Variants in ZNF761 observed in about 807,000 individuals in gnomAD.
ZNF761 encodes the protein zinc finger protein 761.
Under a neutral mutation model 59.9 loss-of-function variants are expected in ZNF761, and 43 were observed. The ratio of observed to expected loss-of-function variants is 0.72; its 90% CI spans 0.56 to 0.92. ZNF761 has a LOEUF of 0.92. ZNF761 is among the 40% of genes least tolerant of loss of function. The pLI is 0.00. For synonymous variants in ZNF761, 294 were observed against 304.8 expected (o/e 0.96, Z 0.37); for missense variants, 850 against 906.1 (o/e 0.94, Z 0.79).
chr19:53,456,753 TGTG>T lies in ZNF761; in HGVS notation c.*9_*11del, dbSNP rs1336931877. On this transcript the variant is annotated 3_prime_UTR_variant, in exon 5 of 5. Coordinates refer to ENST00000684525, the MANE Select transcript of ZNF761 (RefSeq NM_001289951.2). ...ACTGGAGAAAAACAAGTGTAATGAA[TGTG>T]GTGAGGTTTTTAATCAACAAGCACA... 1.9e-6 allele frequency: 3 copies of T among 1,612,814 alleles called. No homozygotes were observed. The African/African-American group carries it at 4.0e-5, about 22-fold the overall frequency.
At chr19:53,445,103 C>T (rs1003028394) in intron 1 of ZNF761, 2 of 151,760 alleles carry the variant, frequency 1.3e-5, no homozygotes, top group African/African-American at 4.9e-5. Flanking sequence ...GCCTCAGCCT[C>T]TCGAGTAGCT....
At position 53,456,712 on chromosome 19, in the gene ZNF761, C is replaced by T. The variant is rs2086276159; in HGVS notation, c.2205C>T (p.Cys735=). ...TTAGTCAGAAGTCAAACCTTACATG[C>T]CATCGTAGACTTCATACTGGAGAAA... ...KTFSQKSNLT[C]HRRLHTGEKQ... is the part of the protein sequence containing the mutation. Residue 735 remains cysteine (C), a synonymous_variant, in exon 5 of 5, where the codon TGC becomes TGT. Transcript: ENST00000684525. 1 of 1,613,778 alleles carries T rather than the reference C, an allele frequency of 6.2e-7. No individual in the cohort carries two copies. The highest frequency in any genetic ancestry group is 8.5e-7 in the Non-Finnish European group (1 of 1,179,856).
intron 1 of ZNF761, among the ~76,000 whole-genome samples, chr19:53,433,601 T>A (rs900127621): frequency 1.3e-5 from 2 of 152,202 alleles, no homozygotes; most frequent in African/African-American, 4.8e-5. Flanking sequence ...AGATGCCTTT[T>A]ATGAACAAGA....
rs1389036523 is a variant in ZNF761, at chr19:53,457,838, C to T, written c.*1090C>T. 6.5e-6 allele frequency: 1 copy of T among 153,528 alleles called. No homozygotes were observed. The highest frequency in any genetic ancestry group is 1.5e-5 in the Non-Finnish European group (1 of 68,312). The allele number at this position is 153,528 out of a possible 1,614,324, so 9.5% of individuals were successfully genotyped here. A position where few individuals can be genotyped will look rare whatever the true frequency, so the allele number is the denominator to read the frequency against. ...CATTTTCCCAGCCTGTTTTTTGTTT[C>T]TTTAAAAAAACTGATAGGGATTTTT... On this transcript the variant is annotated 3_prime_UTR_variant, in exon 5 of 5. Coordinates refer to ENST00000684525, the MANE Select transcript of ZNF761 (RefSeq NM_001289951.2).
At chr19:53,439,410 A>G (rs2086076171) in intron 1 of ZNF761, among the ~76,000 whole-genome samples, 3 of 152,024 alleles carry the variant, frequency 2.0e-5, no homozygotes, top group Middle Eastern at 3.4e-3. Flanking sequence ...GGTTCACGCC[A>G]TTCTCCTGCC....
At chr19:53,434,455 G>T (rs2086014546) in intron 1 of ZNF761, among the ~76,000 whole-genome samples, 1 of 152,156 alleles carries the variant, frequency 6.6e-6, no homozygotes. Context: ...GAGACCAGAG[G>T]GTGCTTGCCA....
In ZNF761 at chr19:53,454,920, A is replaced by T; in HGVS notation, c.413A>T (p.Asp138Val). The T allele has an allele frequency of 6.2e-7, 1 of 1,614,194 alleles. No individual in the cohort carries two copies. The highest frequency in any genetic ancestry group is 8.5e-7 in the Non-Finnish European group (1 of 1,180,036). ...QSHARNKPIK[D>V]QLGSSFHSHL... The stretch of plus-strand genomic sequence containing the variant: ...CATGCTAGAAACAAGCCTATTAAAG[A>T]TCAGCTTGGATCAAGCTTTCATTCG... The change falls in exon 5 of 5, where the codon GAT (aspartate) becomes GTT (valine). Residue 138 changes from aspartate (D) to valine (V), a missense_variant. Asp to Val is a radical substitution (Grantham distance 152). Transcript: ENST00000684525.
chr19:53,453,758 C>T (rs557699279), intron 4 of ZNF761, among the ~76,000 whole-genome samples: 95 of 152,180 alleles, frequency 6.2e-4, no homozygotes, highest in Admixed American at 1.2e-3. Flanking sequence ...TGCCTGTAAT[C>T]CCAGGTACTC....
rs141685694 is a variant in ZNF761, at chr19:53,456,461, C to T, written c.1954C>T (p.His652Tyr). ...CCGTGTGAAATCAAACCTTGAAGGA[C>T]ATAGGAGAATTCATACTGGAGAGAA... ...AFRVKSNLEG[H>Y]RRIHTGEKPY... The change falls in exon 5 of 5, where the codon CAT becomes TAT. Residue 652 changes from histidine to tyrosine, a missense_variant. His to Tyr is a moderately conservative substitution (Grantham distance 83). Coordinates refer to ENST00000684525, the MANE Select transcript of ZNF761 (RefSeq NM_001289951.2). The T allele has an allele frequency of 1.0e-3, 1,648 of 1,613,670 alleles. 2 individuals are homozygous for T. Among genetic ancestry groups the T allele is most frequent in the Non-Finnish European group, 1.2e-3 (1,453 of 1,179,888 alleles).
intron 1 of ZNF761, among the ~76,000 whole-genome samples, chr19:53,440,089 A>G (rs2086082817): frequency 6.6e-6 from 1 of 152,230 alleles, no homozygotes; most frequent in Non-Finnish European, 1.5e-5. Context: ...GACTGGGGCA[A>G]GGGCATTGCT....
At chr19:53,432,404 C>G (rs1421224597) in intron 1 of ZNF761, among the ~76,000 whole-genome samples, 1 of 152,186 alleles carries the variant, frequency 6.6e-6, no homozygotes, top group Non-Finnish European at 1.5e-5. Context: ...GCCGCGTCCT[C>G]TGCCTGGTCC....
At position 53,455,583 on chromosome 19, in the gene ZNF761, G is replaced by A. The variant is rs752484738; in HGVS notation, c.1076G>A (p.Cys359Tyr). 6.2e-7 allele frequency: 1 copy of A among 1,614,160 alleles called. No individual in the cohort carries two copies. Among genetic ancestry groups the A allele is most frequent in the Non-Finnish European group, 8.5e-7 (1 of 1,180,028 alleles). ...TGEKPYKCNE[C>Y]GKTFSHKSSL... is the part of the protein sequence containing the mutation. ...GAGAAACCTTACAAGTGTAATGAGT[G>A]TGGCAAGACCTTTAGTCACAAGTCA... The change falls in exon 5 of 5, where the codon TGT (cysteine) becomes TAT (tyrosine). Residue 359 changes from cysteine (C) to tyrosine (Y), a missense_variant. By Grantham distance (194) the Cys-to-Tyr change is radical. Transcript: ENST00000684525.
At chr19:53,444,983 C>CT (rs557589684) in intron 1 of ZNF761, 10,483 of 136,962 alleles carry the variant, frequency 0.077, 456 homozygotes, top group Middle Eastern at 0.14. Flanking sequence ...TCTTTTTTTT[C>CT]TTTTTTTTTT....
In ZNF761 at chr19:53,455,085, G is replaced by C. The variant is rs1466583728; in HGVS notation, c.578G>C (p.Gly193Ala). 1.9e-6 allele frequency: 3 copies of C among 1,614,016 alleles called. No individual in the cohort carries two copies. The highest frequency in any genetic ancestry group is 2.5e-6 in the Non-Finnish European group (3 of 1,180,000). ...AAAACCCATATATCTAATAACCATG[G>C]GAATAATTTCTGGAATTCTTCATTA... is the stretch of plus-strand genomic sequence containing the variant. ...RPKTHISNNH[G>A]NNFWNSSLLT... The change falls in exon 5 of 5, where the codon GGG becomes GCG. Residue 193 changes from glycine (G) to alanine (A), a missense_variant. Transcript: ENST00000684525.
In ZNF761 at chr19:53,456,830, T is replaced by C. The variant is rs997569698; in HGVS notation, c.*82T>C. On this transcript the variant is annotated 3_prime_UTR_variant, in exon 5 of 5. Coordinates refer to ENST00000684525, the MANE Select transcript of ZNF761 (RefSeq NM_001289951.2). The stretch of plus-strand genomic sequence containing the variant: ...ATACTGGGGAGAAACCTTAGAAATG[T>C]GAAGCATGTGATAAAGTTTACAGTG... 5 of 1,458,374 alleles carry C rather than the reference T, an allele frequency of 3.4e-6. No homozygotes were observed. Among genetic ancestry groups the C allele is most frequent in the Non-Finnish European group, 4.7e-6 (5 of 1,053,668 alleles). 90.3% of individuals were successfully genotyped at this position (1,458,374 alleles called of 1,614,324 possible).
intron 4 of ZNF761, chr19:53,450,417 T>C (rs2086211075): frequency 6.6e-6 from 1 of 152,236 alleles, no homozygotes; most frequent in South Asian, 2.1e-4. Flanking sequence ...AGCCAGTCTT[T>C]GGTTTCTGAA....
At position 53,456,851 on chromosome 19, in the gene ZNF761, C is replaced by T; in HGVS notation, c.*103C>T. 7.5e-7 allele frequency: 1 copy of T among 1,324,870 alleles called. No individual in the cohort carries two copies. The highest frequency in any genetic ancestry group is 1.1e-6 in the Non-Finnish European group (1 of 941,220). The allele number at this position is 1,324,870 out of a possible 1,614,324, so 82.1% of individuals were successfully genotyped here. A position where few individuals can be genotyped will look rare whatever the true frequency, so the allele number is the denominator to read the frequency against. On this transcript the variant is annotated 3_prime_UTR_variant, in exon 5 of 5. Transcript: ENST00000684525. ...AATGTGAAGCATGTGATAAAGTTTA[C>T]AGTGGCAAATCAAGCCTCAGAAGAC...
At chr19:53,443,055 C>T (rs144421180) in intron 1 of ZNF761, 61 of 248,696 alleles carry the variant, frequency 2.5e-4, no homozygotes, top group Non-Finnish European at 3.1e-4. Flanking sequence ...TAGTTGCGTC[C>T]AGTTCAGATC....
intron 1 of ZNF761, among the ~76,000 whole-genome samples, chr19:53,435,834 C>G (rs2086036400): frequency 6.6e-6 from 1 of 152,044 alleles, no homozygotes; most frequent in African/African-American, 2.4e-5. Flanking sequence ...AGGTTGAGCA[C>G]AACGACAGAA....
Sources: allele counts gnomAD v4.1 joint callset (sites outside exome capture counted in the v4.1 genomes callset), GRCh38; gene constraint gnomAD v4.1.1; transcripts MANE v1.5; gene names NCBI Gene and HGNC (gene_info 2026-07-23, HGNC 2026-07-21).